TENM2: variants seen among roughly 807,000 people sequenced by gnomAD.
TENM2 encodes the protein teneurin transmembrane protein 2, also known as teneurin-2.
Under a neutral mutation model 245.2 loss-of-function variants are expected in TENM2, and 52 were observed. The observed-to-expected ratio is 0.21, with a 90% CI of 0.17 to 0.27. TENM2 has a LOEUF of 0.27. Ranked by LOEUF, TENM2 falls within the 10% of genes least tolerant of loss-of-function variation. The probability of loss-of-function intolerance (pLI) is 1.00; values close to 1 mark genes in which losing one functional copy is unlikely to be tolerated. For missense variants in TENM2, 3,046 were observed against 3,666.8 expected (o/e 0.83, Z 4.37); for synonymous variants, 1,363 against 1,438.9 (o/e 0.95, Z 1.19).
At chr5:167,237,409 A>G in the TENM2 span, among the ~76,000 whole-genome samples, 3 of 152,214 alleles carry the variant, frequency 2.0e-5, no homozygotes, top group Admixed American at 2.0e-4. Context: ...ACTCCTGGCT[A>G]AAGAGCATTG....
chr5:167,147,873 C>G, the TENM2 span, among the ~76,000 whole-genome samples: 1 of 152,076 alleles, frequency 6.6e-6, no homozygotes, highest in African/African-American at 2.4e-5. Flanking sequence ...ACCAATGACC[C>G]TGTAGGTATA....
intron 1 of TENM2, among the ~76,000 whole-genome samples, chr5:167,353,960 A>G (rs544680778): frequency 6.6e-6 from 1 of 152,254 alleles, no homozygotes; most frequent in Non-Finnish European, 1.5e-5. Flanking sequence ...TGTAAAATAA[A>G]TAAATGTGTA....
At chr5:167,007,046 C>T in the TENM2 span, among the ~76,000 whole-genome samples, 3 of 152,096 alleles carry the variant, frequency 2.0e-5, no homozygotes, top group African/African-American at 4.8e-5. This position sits in a 1 kb window ranked among gnomAD's most constrained non-coding sequence, Gnocchi z 4.2. Flanking sequence ...TAATTTAATG[C>T]CTCTGTAGTA....
the TENM2 span, among the ~76,000 whole-genome samples, chr5:167,078,372 A>G: frequency 6.6e-5 from 10 of 152,160 alleles, 1 homozygote; most frequent in Admixed American, 3.9e-4. Context: ...AATCCCAGCT[A>G]TTTGGGAGGC....
At chr5:167,411,926 TA>T in intron 2 of TENM2, among the ~76,000 whole-genome samples, 1 of 152,196 alleles carries the variant, frequency 6.6e-6, no homozygotes, top group East Asian at 1.9e-4. Flanking sequence ...GGACAAAAGA[TA>T]GAAATGTGAA....
At chr5:167,326,211 T>G (rs1757067661) in intron 1 of TENM2, among the ~76,000 whole-genome samples, 1 of 152,048 alleles carries the variant, frequency 6.6e-6, no homozygotes, top group African/African-American at 2.4e-5. Flanking sequence ...TAAGATCAGT[T>G]TGGTAAGGAA....
At chr5:167,834,587 A>G (rs554036754) in intron 2 of TENM2, among the ~76,000 whole-genome samples, 64 of 152,038 alleles carry the variant, frequency 4.2e-4, no homozygotes, top group African/African-American at 1.3e-3. Context: ...CAAGGCAATC[A>G]TAAGTTCAAC....
At chr5:168,211,751 A>G in exon 20 of TENM2, 1 of 1,344,538 alleles carries the variant, frequency 7.4e-7, no homozygotes, top group South Asian at 1.3e-5. Context: ...GAGTTTAAAC[A>G]TAGGTAAGAT....
chr5:167,341,956 T>C lies in TENM2; in HGVS notation c.227-33242T>C, dbSNP rs144170114. On this transcript the variant is annotated intron_variant, in intron 1 of 28. Transcript: ENST00000518659. The stretch of plus-strand genomic sequence containing the variant: ...TTGATCAAATTTTTACAATAAACTT[T>C]TTATTTTAGAGCACATTTAAATTTC... Among the ~76,000 whole-genome samples the C allele has an allele frequency of 3.6e-3, 542 of 152,318 alleles. 23 individuals are homozygous for C. In the East Asian group the frequency reaches 0.099, roughly 28 times the overall value.
At chr5:167,719,207 C>T (rs115716387) in intron 2 of TENM2, among the ~76,000 whole-genome samples, 175 of 152,286 alleles carry the variant, frequency 1.1e-3, no homozygotes, top group Non-Finnish European at 1.8e-3. Flanking sequence ...ATTAAAAACA[C>T]GCATAACTTA....
At chr5:168,245,280 T>A (rs1766451967) in intron 26 of TENM2, among the ~76,000 whole-genome samples, 1 of 152,014 alleles carries the variant, frequency 6.6e-6, no homozygotes, top group Non-Finnish European at 1.5e-5. Context: ...ACGAATTGTC[T>A]GATTCTATTT....
intron 17 of TENM2, 147 bp downstream of exon 19, chr5:168,200,278 C>A: frequency 1.4e-6 from 1 of 735,040 alleles, no homozygotes; most frequent in Non-Finnish European, 2.2e-6. Context: ...ATTCCTCTTC[C>A]ACGGGGTTTA....
chr5:167,723,391 C>A (rs186862444), intron 2 of TENM2, among the ~76,000 whole-genome samples: 141 of 152,286 alleles, frequency 9.3e-4, no homozygotes, highest in Admixed American at 1.8e-3. Context: ...TCTCCCCACC[C>A]TTGCACTTGA....
chr5:168,043,091 T>C (rs1019383404), intron 5 of TENM2, among the ~76,000 whole-genome samples: 2 of 152,152 alleles, frequency 1.3e-5, no homozygotes, highest in Admixed American at 1.3e-4. Context: ...GGACCAGGCC[T>C]TTTGGGATGA....
chr5:167,016,015 G>A, the TENM2 span, among the ~76,000 whole-genome samples: 1 of 152,166 alleles, frequency 6.6e-6, no homozygotes, highest in South Asian at 2.1e-4. Context: ...AGCACTTTGG[G>A]AGGCCAAGGC....
intron 12 of TENM2, chr5:168,128,947 G>A (rs144928805): frequency 7.1e-6 from 1 of 140,584 alleles, no homozygotes; most frequent in African/African-American, 2.7e-5. Flanking sequence ...AAAGCTGCTT[G>A]TGTGGCCCGT....
At chr5:168,162,920 CA>C (rs111814381) in intron 13 of TENM2, among the ~76,000 whole-genome samples, 163 bp downstream of exon 15, 2,347 of 152,256 alleles carry the variant, frequency 0.015, 39 homozygotes, top group Middle Eastern at 0.051. Context: ...GTCCTTATGC[CA>C]GGGGGGATCT....
intron 2 of TENM2, among the ~76,000 whole-genome samples, chr5:167,519,936 T>C (rs1301456185): frequency 6.6e-6 from 1 of 152,194 alleles, no homozygotes; most frequent in Non-Finnish European, 1.5e-5. Flanking sequence ...TCATTTCAGA[T>C]GTAGCAAATG....
intron 13 of TENM2, among the ~76,000 whole-genome samples, chr5:168,175,422 C>T (rs1759268999): frequency 6.6e-6 from 1 of 152,202 alleles, no homozygotes; most frequent in Non-Finnish European, 1.5e-5. Context: ...GGAATGAGTG[C>T]TGTCTTCCCT....
Sources: allele counts gnomAD v4.1 joint callset (sites outside exome capture counted in the v4.1 genomes callset), GRCh38; gene constraint gnomAD v4.1.1; non-coding constraint Gnocchi (gnomAD v3.1); transcripts MANE v1.5; gene names NCBI Gene and HGNC (gene_info 2026-07-23, HGNC 2026-07-21).